PIGB: variants seen among roughly 807,000 people sequenced by gnomAD.
PIGB encodes the protein GPI alpha-1,2-mannosyltransferase 3.
In PIGB, 58 loss-of-function variants were observed where a neutral mutation model predicts 68.4. That is an observed-to-expected ratio of 0.85 (90% CI 0.69 to 1.06). PIGB has a LOEUF of 1.06. PIGB is among the 50% of genes least tolerant of loss of function. The pLI, the probability that PIGB is intolerant of heterozygous loss-of-function variation, is 0.00. For missense variants in PIGB, 634 were observed against 655.8 expected (o/e 0.97, Z 0.36); for synonymous variants, 219 against 220.5 (o/e 0.99, Z 0.06).
chr15:55,341,720 T>C lies in PIGB; in HGVS notation c.1059-18T>C, dbSNP rs755055958. 6 of 1,131,542 alleles carry C rather than the reference T, an allele frequency of 5.3e-6. No individual in the cohort carries two copies. Among genetic ancestry groups the C allele is most frequent in the South Asian group, 1.9e-5 (1 of 53,070 alleles). 70.1% of individuals were successfully genotyped at this position (1,131,542 alleles called of 1,614,324 possible). On this transcript the variant is annotated intron_variant, in intron 8 of 11. Transcript: ENST00000164305. ...CATGATAATTAATATTTTTTAATAA[T>C]ATTTGTTTTTATTACAGCATGTTGA...
intron 7 of PIGB, among the ~76,000 whole-genome samples, chr15:55,339,620 A>G (rs2055617407): frequency 6.6e-6 from 1 of 152,256 alleles, no homozygotes; most frequent in Non-Finnish European, 1.5e-5. Context: ...AATGTTTTCA[A>G]AGCTTTATCT....
At chr15:55,328,730 G>A (rs1045385361) in intron 4 of PIGB, among the ~76,000 whole-genome samples, 5 of 152,190 alleles carry the variant, frequency 3.3e-5, no homozygotes, top group East Asian at 3.9e-4. Context: ...CACTTTGGGA[G>A]GCTGAGGTGG....
intron 9 of PIGB, chr15:55,343,413 T>C (rs2055717128): frequency 1.3e-5 from 2 of 152,210 alleles, no homozygotes; most frequent in African/African-American, 2.4e-5. Context: ...AAATCAAGCA[T>C]TGGCAGAGTA....
chr15:55,348,478 G>T (rs1452949662), intron 9 of PIGB: 1 of 152,352 alleles, frequency 6.6e-6, no homozygotes, highest in African/African-American at 2.4e-5. Context: ...AATGGGAGAT[G>T]CTTCGATCAT....
At chr15:55,338,988 TTTAAG>T (rs1345526839) in intron 6 of PIGB, among the ~76,000 whole-genome samples, 8 of 152,248 alleles carry the variant, frequency 5.3e-5, no homozygotes, top group Non-Finnish European at 1.0e-4. Context: ...ATATTCATAG[TTTAAG>T]TTAACAAGTT....
At chr15:55,329,604 A>G (rs1467293182) in intron 4 of PIGB, 120 bp from the exon 5 acceptor site, 3 of 796,286 alleles carry the variant, frequency 3.8e-6, no homozygotes, top group Non-Finnish European at 5.8e-6. Context: ...TTACTTTAAC[A>G]TCATCTACCT....
At chr15:55,339,451 T>G in intron 7 of PIGB, 133 bp downstream of exon 7, 1 of 607,564 alleles carries the variant, frequency 1.6e-6, no homozygotes, top group Non-Finnish European at 2.8e-6. Context: ...TAATAAGCCT[T>G]TGGTTCAATT....
chr15:55,353,591 T>C lies in PIGB; in HGVS notation c.1338-1207T>C, dbSNP rs185359094. On this transcript the variant is annotated intron_variant, in intron 10 of 11. Coordinates refer to ENST00000164305, the MANE Select transcript of PIGB (RefSeq NM_004855.5). ...AACTGGTATTAGAAATGAATCCATCTTTTTTATACTCTAATCTTTTTTTTG... is the reference window on the plus strand; with the variant it reads ...AACTGGTATTAGAAATGAATCCATCCTTTTTATACTCTAATCTTTTTTTTG... Among the ~76,000 whole-genome samples, 14 of 152,226 alleles carry C rather than the reference T, an allele frequency of 9.2e-5. No homozygotes were observed. The East Asian group carries it at 1.7e-3, about 19-fold the overall frequency.
chr15:55,320,218 G>C (rs2055131171), intron 1 of PIGB, 57 bp from the exon 2 acceptor site: 1 of 1,555,910 alleles, frequency 6.4e-7, no homozygotes, highest in East Asian at 2.3e-5. Flanking sequence ...TTTAAGTTTT[G>C]CAAGTGGAAC....
chr15:55,330,980 A>G (rs192855453), intron 5 of PIGB, among the ~76,000 whole-genome samples: 5 of 152,244 alleles, frequency 3.3e-5, no homozygotes, highest in Admixed American at 6.5e-5. Context: ...AAACTGTAGA[A>G]TATCTGAGCC....
At chr15:55,347,154 C>G (rs2055812498) in intron 9 of PIGB, among the ~76,000 whole-genome samples, 1 of 152,254 alleles carries the variant, frequency 6.6e-6, no homozygotes, top group African/African-American at 2.4e-5. Context: ...GCAGTTCTGG[C>G]TGGGCGCTGT....
At chr15:55,337,453 C>G (rs1410627608) in intron 6 of PIGB, among the ~76,000 whole-genome samples, 1 of 152,202 alleles carries the variant, frequency 6.6e-6, no homozygotes, top group Non-Finnish European at 1.5e-5. Context: ...CACATTCTTA[C>G]AGAAGTGTGA....
At chr15:55,353,523 C>T (rs941425551) in intron 10 of PIGB, among the ~76,000 whole-genome samples, 2 of 152,124 alleles carry the variant, frequency 1.3e-5, no homozygotes, top group Admixed American at 1.3e-4. Flanking sequence ...CAATTATAAA[C>T]ATGGCTTTTT....
intron 6 of PIGB, 37 bp downstream of exon 6, chr15:55,334,044 G>C: frequency 6.9e-7 from 1 of 1,457,622 alleles, no homozygotes; most frequent in Non-Finnish European, 9.2e-7. Context: ...TATTTTAGTA[G>C]CCTACAAATC....
chr15:55,324,027 ACAGG>A (rs1185100020), intron 3 of PIGB, among the ~76,000 whole-genome samples: 3 of 152,108 alleles, frequency 2.0e-5, no homozygotes, highest in African/African-American at 7.2e-5. Flanking sequence ...AGCTGGGATT[ACAGG>A]TGTCTGCCAC....
chr15:55,348,357 G>T (rs890678335), intron 9 of PIGB: 1 of 152,262 alleles, frequency 6.6e-6, no homozygotes, highest in Non-Finnish European at 1.5e-5. Flanking sequence ...AAATAATTGA[G>T]AACAAACTGT....
chr15:55,339,707 G>A (rs2055620005), intron 7 of PIGB, among the ~76,000 whole-genome samples: 1 of 152,110 alleles, frequency 6.6e-6, no homozygotes, highest in Admixed American at 6.6e-5. Flanking sequence ...TCTCTTAACT[G>A]GATATAAAAC....
Position 55,320,388 on chromosome 15 carries a change from G to C in PIGB, c.277G>C (p.Val93Leu). The change falls in exon 2 of 12, where the codon GTT becomes CTT. Residue 93 changes from valine to leucine, a missense_variant. By Grantham distance (32) the Val-to-Leu change is conservative. Transcript: ENST00000164305. ...VPDEYWQSLE[V>L]SHHMVFNYGY... ...AGATGAATACTGGCAGTCTCTTGAA[G>C]TTTCACATCACATGGTTTTCAAATA... 6.2e-7 allele frequency: 1 copy of C among 1,613,610 alleles called. No individual in the cohort carries two copies. Among genetic ancestry groups the C allele is most frequent in the Non-Finnish European group, 8.5e-7 (1 of 1,179,734 alleles).
In PIGB at chr15:55,319,262, C is replaced by T. The variant is rs767323810; in HGVS notation, c.12C>T (p.Pro4=). The T allele has an allele frequency of 6.2e-7, 1 of 1,606,818 alleles. No individual in the cohort carries two copies. Among genetic ancestry groups the T allele is most frequent in the Non-Finnish European group, 8.5e-7 (1 of 1,177,258 alleles). The part of the protein sequence containing the change: MRR[P]LSKCGMEPGG... The stretch of plus-strand genomic sequence containing the variant: ...GGTGGCGGCCAGGGATGAGGAGGCC[C>T]CTAAGCAAGTGCGGAATGGAGCCGG... The change falls in exon 1 of 12, where the codon CCC becomes CCT. Residue 4 remains proline, a synonymous_variant. Transcript: ENST00000164305.
Sources: gnomAD v4.1 joint callset for allele counts (sites outside exome capture counted in the v4.1 genomes callset) on GRCh38, gnomAD v4.1.1 for gene constraint, MANE v1.5 for transcripts, NCBI Gene and HGNC (gene_info 2026-07-23, HGNC 2026-07-21) for gene names.